INSL6: variants seen among roughly 807,000 people sequenced by gnomAD.
The protein encoded by INSL6 is insulin like 6.
In INSL6, 16 loss-of-function variants were observed where a neutral mutation model predicts 9.4. The observed-to-expected ratio is 1.70, with a 90% CI of 1.15 to 2.59. The LOEUF is 2.59. Among genes scored for constraint, INSL6 ranks in the 30% most tolerant of loss-of-function variants. The pLI, the probability that INSL6 is intolerant of heterozygous loss-of-function variation, is 0.00. For synonymous variants in INSL6, 154 were observed against 96.9 expected, an observed-to-expected ratio of 1.59 and a Z score of -3.46; for missense variants, 391 against 257.3, an observed-to-expected ratio of 1.52 and a Z score of -3.56.
At chr9:5,030,518 T>G in the INSL6 span, among the ~76,000 whole-genome samples, 3 of 152,044 alleles carry the variant, frequency 2.0e-5, no homozygotes, top group Non-Finnish European at 4.4e-5. Context: ...CTTCATGAGG[T>G]GTTAAGATTT....
the INSL6 span, among the ~76,000 whole-genome samples, chr9:5,115,491 A>C: frequency 6.6e-6 from 1 of 152,204 alleles, no homozygotes; most frequent in Non-Finnish European, 1.5e-5. Context: ...ACCATTGTGG[A>C]AGACAGTGTG....
the INSL6 span, among the ~76,000 whole-genome samples, chr9:5,030,887 T>A: frequency 1.3e-5 from 2 of 151,964 alleles, no homozygotes; most frequent in Non-Finnish European, 2.9e-5. Flanking sequence ...AGACAATTGG[T>A]GAAAAAAATA....
At chr9:5,132,741 T>C (rs560566967) in intron 3 of INSL6, 2 of 152,176 alleles carry the variant, frequency 1.3e-5, no homozygotes, top group African/African-American at 2.4e-5. Flanking sequence ...GTTCAACATA[T>C]TAAGAATAAA....
chr9:5,179,044 C>CAA (rs57246500), intron 1 of INSL6, among the ~76,000 whole-genome samples: 35,074 of 132,412 alleles, frequency 0.26, 4,422 homozygotes, highest in South Asian at 0.33. Context: ...TTCTGCACAG[C>CAA]AAAAAAAAAA....
the INSL6 span, among the ~76,000 whole-genome samples, chr9:5,115,421 A>G: frequency 6.6e-6 from 1 of 152,314 alleles, no homozygotes; most frequent in African/African-American, 2.4e-5. Context: ...ACAGATGCTG[A>G]AGAGGATGTG....
the INSL6 span, chr9:5,077,581 G>A: frequency 1.4e-6 from 2 of 1,473,648 alleles, no homozygotes; most frequent in Non-Finnish European, 1.8e-6. Context: ...GCATTTTCTA[G>A]TAAGTAGTAC....
At chr9:5,183,163 T>G (rs1825495912) in intron 1 of INSL6, among the ~76,000 whole-genome samples, 1 of 152,202 alleles carries the variant, frequency 6.6e-6, no homozygotes, top group African/African-American at 2.4e-5. Flanking sequence ...CTGCAACTTC[T>G]AAATTATTTC....
At chr9:5,004,882 G>A in the INSL6 span, among the ~76,000 whole-genome samples, 1 of 148,392 alleles carries the variant, frequency 6.7e-6, no homozygotes, top group Non-Finnish European at 1.5e-5. Context: ...GATGTTGAAC[G>A]TTTTTTCATG....
the INSL6 span, among the ~76,000 whole-genome samples, chr9:5,060,660 A>G: frequency 2.0e-5 from 3 of 152,158 alleles, no homozygotes; most frequent in Admixed American, 6.6e-5. Flanking sequence ...GACTTCCTCC[A>G]TTGAAGTCGT....
chr9:5,041,721 C>A, the INSL6 span: 1 of 498,810 alleles, frequency 2.0e-6, no homozygotes, highest in East Asian at 5.6e-5. Flanking sequence ...GTACGAGGGG[C>A]TCGGGAAGCC....
chr9:5,037,620 C>T, the INSL6 span, among the ~76,000 whole-genome samples: 1 of 152,104 alleles, frequency 6.6e-6, no homozygotes, highest in South Asian at 2.1e-4. Flanking sequence ...AAAAACCAAA[C>T]ACTGCATGTT....
chr9:5,038,628 T>C, the INSL6 span, among the ~76,000 whole-genome samples: 8 of 151,806 alleles, frequency 5.3e-5, no homozygotes, highest in South Asian at 2.1e-4. Flanking sequence ...TTTAGAATAT[T>C]TGCAGAGTAT....
Position 5,185,578 on chromosome 9 carries a change from GGGAC to G in INSL6, c.21_24del (p.Leu7PhefsTer16), listed in dbSNP as rs750145547. The G allele has an allele frequency of 6.2e-7, 1 of 1,613,714 alleles. No homozygotes were observed. Among genetic ancestry groups the G allele is most frequent in the South Asian group, 1.1e-5 (1 of 91,018 alleles). ...ACCAGCAGGAGTCCAAGCCACAGCA[GGGAC>G]AAGCGGAGGAGCCGCGGCATCCCTG... On this transcript the variant is annotated frameshift_variant, in exon 1 of 2. Coordinates refer to ENST00000381641, the MANE Select transcript of INSL6 (RefSeq NM_007179.3). LOFTEE classifies it high-confidence loss of function.
downstream of INSL6, among the ~76,000 whole-genome samples, chr9:5,159,196 C>T (rs1004986204): frequency 2.0e-5 from 3 of 151,914 alleles, no homozygotes; most frequent in African/African-American, 7.2e-5. Context: ...AGAAAATCAC[C>T]TTCCCTAAAA....
the INSL6 span, chr9:5,111,040 C>T: frequency 1.1e-6 from 1 of 928,740 alleles, no homozygotes; most frequent in Non-Finnish European, 1.6e-6. Flanking sequence ...GGCCGGGGCG[C>T]AATTCAGAGG....
chr9:5,009,524 A>G, the INSL6 span, among the ~76,000 whole-genome samples: 5 of 151,870 alleles, frequency 3.3e-5, no homozygotes, highest in African/African-American at 1.2e-4. Flanking sequence ...ATATTCTTAA[A>G]TCTCTCTGAG....
the INSL6 span, chr9:5,054,469 A>G: frequency 9.4e-7 from 1 of 1,063,428 alleles, no homozygotes; most frequent in African/African-American, 1.6e-5. This position sits in a 1 kb window ranked among gnomAD's most constrained non-coding sequence, Gnocchi z 4.9. Context: ...CTACTTAATC[A>G]TGGAAAAAGG....
chr9:5,119,298 A>C (rs1823439252), downstream of INSL6, among the ~76,000 whole-genome samples: 1 of 152,128 alleles, frequency 6.6e-6, no homozygotes, highest in South Asian at 2.1e-4. Flanking sequence ...GAACAAATGC[A>C]TGGAGGTATG....
the INSL6 span, among the ~76,000 whole-genome samples, chr9:5,079,002 TC>T: frequency 2.6e-3 from 393 of 152,378 alleles, 2 homozygotes; most frequent in African/African-American, 8.6e-3. Flanking sequence ...AATTTTGTTA[TC>T]TTAGATAATT....
Sources: gnomAD v4.1 joint callset for allele counts (sites outside exome capture counted in the v4.1 genomes callset) on GRCh38, gnomAD v4.1.1 for gene constraint, Gnocchi (gnomAD v3.1) non-coding constraint, MANE v1.5 for transcripts, NCBI Gene and HGNC (gene_info 2026-07-23, HGNC 2026-07-21) for gene names.